Variants in ISM1 observed in about 807,000 individuals in gnomAD.
The protein encoded by ISM1 is isthmin 1.
In ISM1, 25 loss-of-function variants were observed where a neutral mutation model predicts 46.3. The observed-to-expected ratio is 0.54, with a 90% CI of 0.39 to 0.75. The LOEUF is 0.75. Ranked by LOEUF, ISM1 falls within the 30% of genes least tolerant of loss-of-function variation. The pLI, the probability that ISM1 is intolerant of heterozygous loss-of-function variation, is 0.00. For synonymous variants in ISM1, 255 were observed against 256.7 expected (o/e 0.99, Z 0.06); for missense variants, 536 against 625.4 (o/e 0.86, Z 1.52).
chr20:13,273,680 A>C (rs1383590027), intron 2 of ISM1, among the ~76,000 whole-genome samples: 1 of 152,248 alleles, frequency 6.6e-6, no homozygotes, highest in African/African-American at 2.4e-5. Context: ...GGTTTACCAT[A>C]GCTCCAGATG....
chr20:13,231,554 G>A (rs529101282), intron 1 of ISM1, among the ~76,000 whole-genome samples: 1 of 152,346 alleles, frequency 6.6e-6, no homozygotes, highest in South Asian at 2.1e-4. Flanking sequence ...TCAACTCCCT[G>A]AGCACAGACC....
intron 3 of ISM1, among the ~76,000 whole-genome samples, chr20:13,281,451 C>T (rs2040237434): frequency 6.6e-6 from 1 of 152,182 alleles, no homozygotes; most frequent in Admixed American, 6.5e-5. Flanking sequence ...TGCACTAGTC[C>T]CTGTTCATGG....
In ISM1 at chr20:13,300,416, G is replaced by C. The variant is rs986136193; in HGVS notation, c.*957G>C. 3.3e-5 allele frequency: 5 copies of C among 150,876 alleles called. No homozygotes were observed. Among genetic ancestry groups the C allele is most frequent in the Admixed American group, 6.6e-5 (1 of 15,224 alleles). 9.3% of individuals were successfully genotyped at this position (150,876 alleles called of 1,614,324 possible). ...TATCCCCAATAAATAAATATAAAAG[G>C]GGGGGAGGGTCAATCTGGGGAATCT... On this transcript the variant is annotated 3_prime_UTR_variant, in exon 6 of 6. Coordinates refer to ENST00000262487, the MANE Select transcript of ISM1 (RefSeq NM_080826.2).
intron 1 of ISM1, among the ~76,000 whole-genome samples, chr20:13,257,883 G>T (rs1332776329): frequency 6.6e-6 from 1 of 152,100 alleles, no homozygotes; most frequent in Non-Finnish European, 1.5e-5. Context: ...CAAAGTGGCT[G>T]CAGACTCTCT....
chr20:13,325,478 CCACAGT>C, the ISM1 span, among the ~76,000 whole-genome samples: 2 of 151,980 alleles, frequency 1.3e-5, no homozygotes, highest in Admixed American at 6.6e-5. Flanking sequence ...ATGAGAGGGT[CCACAGT>C]TTCTGCTACA....
intron 1 of ISM1, among the ~76,000 whole-genome samples, chr20:13,242,802 C>T (rs2039742834): frequency 6.6e-6 from 1 of 152,156 alleles, no homozygotes; most frequent in South Asian, 2.1e-4. Context: ...CATCGGGTTC[C>T]TTACTGTTCA....
At chr20:13,319,437 A>G in the ISM1 span, among the ~76,000 whole-genome samples, 1 of 152,180 alleles carries the variant, frequency 6.6e-6, no homozygotes, top group Non-Finnish European at 1.5e-5. Context: ...AGTTTCACAG[A>G]GGTCAAGGGT....
chr20:13,323,680 T>C, the ISM1 span, among the ~76,000 whole-genome samples: 2 of 152,230 alleles, frequency 1.3e-5, no homozygotes, highest in Non-Finnish European at 2.9e-5. Flanking sequence ...ATTTTTCTTA[T>C]ACATGTCATG....
At chr20:13,310,321 G>A in the ISM1 span, among the ~76,000 whole-genome samples, 2 of 152,144 alleles carry the variant, frequency 1.3e-5, no homozygotes, top group South Asian at 2.1e-4. Flanking sequence ...ACACACAATG[G>A]GGAAAGGGTG....
chr20:13,236,759 G>T (rs1390828842), intron 1 of ISM1, among the ~76,000 whole-genome samples: 1 of 152,226 alleles, frequency 6.6e-6, no homozygotes, highest in Non-Finnish European at 1.5e-5. Context: ...CTGAAATCCA[G>T]CAGGGCAGTT....
chr20:13,292,496 G>T, intron 5 of ISM1, 33 bp downstream of exon 5: 2 of 1,313,166 alleles, frequency 1.5e-6, no homozygotes, highest in South Asian at 1.3e-5. Context: ...TCCAAATATT[G>T]ACTTAGTGCC....
At position 13,271,736 on chromosome 20, in the gene ISM1, G is replaced by A. The variant is rs372516717; in HGVS notation, c.378+993G>A. 1.8e-4 allele frequency among the ~76,000 whole-genome samples: 27 copies of A among 152,124 alleles called. 1 individual carries two copies. The highest frequency in any genetic ancestry group is 2.9e-4 in the African/African-American group (12 of 41,480). On this transcript the variant is annotated intron_variant, in intron 2 of 5. Coordinates refer to ENST00000262487, the MANE Select transcript of ISM1 (RefSeq NM_080826.2). ...GATGGTTGAGAGAGGCTCATCCCCCGGGCAACCCAGCCCCTATCCAACTCT... is the reference window on the plus strand; with the variant it reads ...GATGGTTGAGAGAGGCTCATCCCCCAGGCAACCCAGCCCCTATCCAACTCT...
intron 3 of ISM1, among the ~76,000 whole-genome samples, chr20:13,281,730 T>G (rs767909634): frequency 8.5e-5 from 13 of 152,184 alleles, no homozygotes; most frequent in Non-Finnish European, 1.5e-4. Context: ...GAGGAAAAGA[T>G]CAGCGCCACT....
chr20:13,260,503 G>T (rs2039977236), intron 1 of ISM1, among the ~76,000 whole-genome samples: 1 of 152,178 alleles, frequency 6.6e-6, no homozygotes, highest in African/African-American at 2.4e-5. Context: ...TCTAGTCATT[G>T]CAGATAGAAT....
intron 1 of ISM1, among the ~76,000 whole-genome samples, chr20:13,254,148 A>G (rs1201350641): frequency 6.6e-6 from 1 of 151,608 alleles, no homozygotes; most frequent in Non-Finnish European, 1.5e-5. Context: ...CAGGAGAATC[A>G]CTTGAGCCCA....
chr20:13,231,028 TC>T lies in ISM1; in HGVS notation c.138+9116del, dbSNP rs1243013281. Reference sequence around the variant, plus strand: ...TTCTGGCTCTTTCTCTTCCCTGCCTTCCTCCCTCTTCGCCTACCAGAGATTT... The same window carrying T: ...TTCTGGCTCTTTCTCTTCCCTGCCTTCTCCCTCTTCGCCTACCAGAGATTT... On this transcript the variant is annotated intron_variant, in intron 1 of 5. Coordinates refer to ENST00000262487, the MANE Select transcript of ISM1 (RefSeq NM_080826.2). Among the ~76,000 whole-genome samples, 10 of 152,122 alleles carry T rather than the reference TC, an allele frequency of 6.6e-5. No homozygotes were observed. The East Asian group carries it at 1.9e-3, about 29-fold the overall frequency.
intron 4 of ISM1, among the ~76,000 whole-genome samples, chr20:13,291,752 T>C (rs1000730183): frequency 1.4e-4 from 22 of 152,192 alleles, no homozygotes; most frequent in African/African-American, 5.1e-4. Flanking sequence ...TAACTCTTCT[T>C]GGCTATGCAT....
the ISM1 span, among the ~76,000 whole-genome samples, chr20:13,310,413 T>C: frequency 6.6e-6 from 1 of 152,232 alleles, no homozygotes; most frequent in East Asian, 1.9e-4. Flanking sequence ...ACCCCACATA[T>C]AATAGTCAAC....
intron 2 of ISM1, among the ~76,000 whole-genome samples, chr20:13,273,257 C>T (rs2040136908): frequency 3.7e-5 from 1 of 27,338 alleles, no homozygotes; most frequent in African/African-American, 7.1e-4. Context: ...TTTATTTTGA[C>T]AAGGTCTTTC....
Sources: allele counts gnomAD v4.1 joint callset (sites outside exome capture counted in the v4.1 genomes callset), GRCh38; gene constraint gnomAD v4.1.1; transcripts MANE v1.5; gene names NCBI Gene and HGNC (gene_info 2026-07-23, HGNC 2026-07-21).